SPAG17: variants seen among roughly 807,000 people sequenced by gnomAD.
SPAG17 encodes the protein sperm-associated antigen 17.
SPAG17 carries 169 observed loss-of-function variants against 273.6 expected under a neutral mutation model. The ratio of observed to expected loss-of-function variants is 0.62; its 90% CI spans 0.55 to 0.70. The LOEUF is 0.70. Among genes scored for constraint, SPAG17 ranks in the 30% least tolerant of loss-of-function variants. The pLI is 0.00. For missense variants in SPAG17, 2,557 were observed against 2,627.8 expected (o/e 0.97, Z 0.59); for synonymous variants, 825 against 873.2 (o/e 0.94, Z 0.97).
At chr1:118,062,394 A>T (rs1251094730) in intron 18 of SPAG17, among the ~76,000 whole-genome samples, 1 of 150,460 alleles carries the variant, frequency 6.6e-6, no homozygotes, top group East Asian at 1.9e-4. Context: ...AAAATTAAAG[A>T]AAAAGGTTTG....
At chr1:118,093,048 C>T (rs1655486894) in intron 8 of SPAG17, 108 bp downstream of exon 8, 2 of 1,219,964 alleles carry the variant, frequency 1.6e-6, no homozygotes, top group Non-Finnish European at 2.3e-6. Flanking sequence ...GCAGTATGAC[C>T]TTAATGTAAG....
chr1:117,963,659 C>A, intron 48 of SPAG17, 140 bp downstream of exon 48: 1 of 752,718 alleles, frequency 1.3e-6, no homozygotes. Flanking sequence ...CCACCGGGCC[C>A]GGCCTAAACA....
At chr1:118,129,431 T>G (rs1657930706) in intron 3 of SPAG17, among the ~76,000 whole-genome samples, 1 of 152,192 alleles carries the variant, frequency 6.6e-6, no homozygotes, top group Non-Finnish European at 1.5e-5. Flanking sequence ...AATCTGAAAC[T>G]CTGGGGGTAG....
At chr1:118,157,253 T>C (rs1659699657) in intron 1 of SPAG17, among the ~76,000 whole-genome samples, 1 of 152,112 alleles carries the variant, frequency 6.6e-6, no homozygotes, top group African/African-American at 2.4e-5. Flanking sequence ...ACCAAAGCTG[T>C]CTCAGAGAAA....
At chr1:118,028,421 T>C (rs1557927833) in intron 25 of SPAG17, 27 bp from the exon 26 acceptor site, 2 of 1,610,670 alleles carry the variant, frequency 1.2e-6, no homozygotes, top group East Asian at 2.2e-5. Flanking sequence ...ATGTGAATAA[T>C]GGGCTGTCAT....
In SPAG17 at chr1:118,041,917, A is replaced by G. The variant is rs1557946617; in HGVS notation, c.2940T>C (p.Ser980=). 1.2e-6 allele frequency: 2 copies of G among 1,613,908 alleles called. No homozygotes were observed. The highest frequency in any genetic ancestry group is 1.7e-6 in the Non-Finnish European group (2 of 1,179,898). The change falls in exon 21 of 49, where the codon AGT becomes AGC. Residue 980 remains serine (S), a synonymous_variant. Coordinates refer to ENST00000336338, the MANE Select transcript of SPAG17 (RefSeq NM_206996.4). ...AAGGTGATTTTTTCTTCAAAGACCTACTATCCTCTTTCTCTGCGTTATCCT... is the reference window on the plus strand; with the variant it reads ...AAGGTGATTTTTTCTTCAAAGACCTGCTATCCTCTTTCTCTGCGTTATCCT... ...KGKDNAEKED[S]RSLKKKSPYK...
At position 118,063,828 on chromosome 1, in the gene SPAG17, T is replaced by C. The variant is rs1420212142; in HGVS notation, c.2540+2917A>G. Among the ~76,000 whole-genome samples the C allele has an allele frequency of 9.2e-5, 14 of 152,210 alleles. No homozygotes were observed. In the South Asian group the frequency reaches 2.5e-3, roughly 27 times the overall value. On this transcript the variant is annotated intron_variant, in intron 18 of 48. Coordinates refer to ENST00000336338, the MANE Select transcript of SPAG17 (RefSeq NM_206996.4). ...ACAAAATGGGAGAAAATTTTTGCAA[T>C]CTACTCATCTGACAAAGGGCTAATA... is the stretch of plus-strand genomic sequence containing the variant.
In SPAG17 at chr1:118,086,953, C is replaced by G; in HGVS notation, c.1415G>C (p.Arg472Thr). 6.3e-7 allele frequency: 1 copy of G among 1,595,402 alleles called. No individual in the cohort carries two copies. The highest frequency in any genetic ancestry group is 8.5e-7 in the Non-Finnish European group (1 of 1,173,214). ...VPPSLREPSP[R>T]ADGLDHRIAA... ...GATTCTGTGGTCTAGCCCGTCTGCT[C>G]TGGGGGATGGCTCCCGCAGACTGGG... Residue 472 changes from arginine to threonine, a missense_variant, in exon 11 of 49, where the codon AGA (arginine) becomes ACA (threonine). Transcript: ENST00000336338.
At chr1:118,103,840 AGT>A (rs60797775) in intron 4 of SPAG17, among the ~76,000 whole-genome samples, 48 of 136,382 alleles carry the variant, frequency 3.5e-4, no homozygotes, top group Non-Finnish European at 3.4e-4. Flanking sequence ...GGGAAAATGT[AGT>A]GTGTGTGTGT....
At chr1:117,968,766 T>A (rs151237821) in intron 46 of SPAG17, among the ~76,000 whole-genome samples, 1 of 152,274 alleles carries the variant, frequency 6.6e-6, no homozygotes, top group Non-Finnish European at 1.5e-5. Flanking sequence ...TCAGGGAGCA[T>A]TGGGTGCTTG....
At chr1:118,171,293 TA>T (rs952482074) in intron 1 of SPAG17, among the ~76,000 whole-genome samples, 1 of 152,056 alleles carries the variant, frequency 6.6e-6, no homozygotes, top group Non-Finnish European at 1.5e-5. Flanking sequence ...TGAGAAAATA[TA>T]AGATTTGGTT....
intron 38 of SPAG17, among the ~76,000 whole-genome samples, chr1:117,989,169 T>C (rs1389070355): frequency 2.0e-5 from 3 of 152,166 alleles, no homozygotes; most frequent in Non-Finnish European, 2.9e-5. Context: ...CCCAGGCTTC[T>C]GGGGACACAC....
chr1:118,039,671 A>C (rs956295320), intron 22 of SPAG17, among the ~76,000 whole-genome samples: 2 of 152,236 alleles, frequency 1.3e-5, no homozygotes, highest in African/African-American at 4.8e-5. Context: ...GAGGACCAAA[A>C]ACTACCTGCC....
intron 23 of SPAG17, 92 bp from the exon 24 acceptor site, chr1:118,036,975 G>T: frequency 1.2e-6 from 1 of 847,194 alleles, no homozygotes; most frequent in Non-Finnish European, 1.9e-6. Context: ...GGAGTTCATA[G>T]CTGCTCTACC....
chr1:118,060,550 G>A (rs1301763153), intron 18 of SPAG17, among the ~76,000 whole-genome samples: 2 of 152,132 alleles, frequency 1.3e-5, no homozygotes, highest in Admixed American at 6.5e-5. Flanking sequence ...AGTGTTAAAT[G>A]TGATTTATGA....
At chr1:118,077,164 G>A (rs1276675228) in intron 15 of SPAG17, among the ~76,000 whole-genome samples, 3 of 152,074 alleles carry the variant, frequency 2.0e-5, no homozygotes, top group South Asian at 2.1e-4. Flanking sequence ...TAAAGTTGGC[G>A]GCTTTGAAGT....
Position 118,151,335 on chromosome 1 carries a change from C to T in SPAG17, c.122G>A (p.Gly41Glu). The T allele has an allele frequency of 6.2e-7, 1 of 1,612,418 alleles. No individual in the cohort carries two copies. Among genetic ancestry groups the T allele is most frequent in the Non-Finnish European group, 8.5e-7 (1 of 1,178,966 alleles). ...GAGAAGATCATCTTCAATCTGGTTCCCAACCACAAAAGCAATGGAGGCCTG... is the reference window on the plus strand; with the variant it reads ...GAGAAGATCATCTTCAATCTGGTTCTCAACCACAAAAGCAATGGAGGCCTG... ...DWQASIAFVVGNQIEDDLLIQ... is the reference protein window; with the variant it reads ...DWQASIAFVVENQIEDDLLIQ... The change falls in exon 2 of 49, where the codon GGG (glycine) becomes GAG (glutamate). Residue 41 changes from glycine to glutamate, a missense_variant. Coordinates refer to ENST00000336338, the MANE Select transcript of SPAG17 (RefSeq NM_206996.4).
At chr1:118,021,428 G>A (rs1386951188) in intron 28 of SPAG17, among the ~76,000 whole-genome samples, 1 of 151,964 alleles carries the variant, frequency 6.6e-6, no homozygotes, top group Non-Finnish European at 1.5e-5. Flanking sequence ...CAGGATGGGT[G>A]GAATAAGAAG....
chr1:118,161,723 G>T (rs898544017), intron 1 of SPAG17, among the ~76,000 whole-genome samples: 6 of 152,068 alleles, frequency 3.9e-5, no homozygotes, highest in Non-Finnish European at 7.4e-5. Context: ...TTTTAGTAGA[G>T]ACAGGGTTTC....
Sources: gnomAD v4.1 joint callset for allele counts (sites outside exome capture counted in the v4.1 genomes callset) on GRCh38, gnomAD v4.1.1 for gene constraint, MANE v1.5 for transcripts, NCBI Gene and HGNC (gene_info 2026-07-23, HGNC 2026-07-21) for gene names.